HSPG2: variants seen among roughly 807,000 people sequenced by gnomAD.
HSPG2 encodes the protein heparan sulfate proteoglycan 2.
HSPG2 carries 278 observed loss-of-function variants against 526.6 expected under a neutral mutation model. The ratio of observed to expected loss-of-function variants is 0.53; its 90% CI spans 0.48 to 0.58. The LOEUF (loss-of-function observed/expected upper bound fraction) is 0.58, where lower values mean the gene tolerates loss of function less well. Ranked by LOEUF, HSPG2 falls within the 20% of genes least tolerant of loss-of-function variation. The pLI is 0.00. For synonymous variants in HSPG2, 2,465 were observed against 2,555.4 expected (o/e 0.96, Z 1.07); for missense variants, 5,354 against 6,099.5 (o/e 0.88, Z 4.07).
Position 21,828,576 on chromosome 1 carries a change from G to C in HSPG2, c.12238-150C>G, listed in dbSNP as rs1429994692. On this transcript the variant is annotated intron_variant, in intron 88 of 96. Transcript: ENST00000374695. This position sits in a 1 kb window ranked among gnomAD's most constrained non-coding sequence, Gnocchi z 6.0. ...GGATTCTCGGTGTGGGGAGGGAGGC[G>C]CAGGAGTTGAGTGCCTACTGTGTGC... The C allele has an allele frequency of 2.2e-6, 2 of 905,458 alleles. No individual in the cohort carries two copies. Among genetic ancestry groups the C allele is most frequent in the Admixed American group, 4.6e-5 (2 of 43,602 alleles). 56.1% of individuals were successfully genotyped at this position (905,458 alleles called of 1,614,324 possible). A position where few individuals can be genotyped will look rare whatever the true frequency, so the allele number is the denominator to read the frequency against.
Position 21,834,783 on chromosome 1 carries a change from A to C in HSPG2, c.10616T>G (p.Val3539Gly). 6.2e-7 allele frequency: 1 copy of C among 1,614,144 alleles called. No individual in the cohort carries two copies. The highest frequency in any genetic ancestry group is 1.1e-5 in the South Asian group (1 of 91,080). ...CAGCTCTACGTGGGCGATCCTGACG[A>C]CACCTCCGCTCTGCACAATGCCTGG... Reference protein sequence around the residue: ...LRPGIVQSGGVVRIAHVELAD... With the variant: ...LRPGIVQSGGGVRIAHVELAD... The change falls in exon 77 of 97, where the codon GTC becomes GGC. Residue 3539 changes from valine to glycine, a missense_variant. Transcript: ENST00000374695.
chr1:21,843,064 C>T (rs1167798876), intron 66 of HSPG2, 143 bp from the exon 67 acceptor site: 4 of 1,077,598 alleles, frequency 3.7e-6, no homozygotes, highest in Non-Finnish European at 5.5e-6. Context: ...AGAAGGGTCT[C>T]CTTTCCCTGG....
Position 21,839,799 on chromosome 1 carries a change from T to C in HSPG2, c.9709+23A>G, listed in dbSNP as rs772236863. On this transcript the variant is annotated intron_variant, in intron 72 of 96. Transcript: ENST00000374695. This position sits in a 1 kb window ranked among gnomAD's most constrained non-coding sequence, Gnocchi z 4.5. ...CAGGGCATCCCTGCCCTGCCAGCCC[T>C]ATGTGCCAGCCCTTGGTCACACCTG... is the stretch of plus-strand genomic sequence containing the variant. The C allele has an allele frequency of 1.9e-6, 3 of 1,611,306 alleles. No homozygotes were observed. In the African/African-American group the frequency reaches 4.0e-5, roughly 22 times the overall value.
Position 21,831,728 on chromosome 1 carries a change from G to T in HSPG2, c.11276C>A (p.Thr3759Asn), listed in dbSNP as rs2098005044. 1 of 1,606,812 alleles carries T rather than the reference G, an allele frequency of 6.2e-7. No individual in the cohort carries two copies. The change falls in exon 82 of 97, where the codon ACC becomes AAC. Residue 3759 changes from threonine (T) to asparagine (N), a missense_variant. Thr to Asn is a moderately conservative substitution (Grantham distance 65). Coordinates refer to ENST00000374695, the MANE Select transcript of HSPG2 (RefSeq NM_005529.7). ...GGTGAGGCTGCGCAGCAGGGTCACG[G>T]TGTGGAAATGGCCCAGGGCCAGTGG... ...PTPLALGHFH[T>N]VTLLRSLTQG...
In HSPG2 at chr1:21,828,910, C is replaced by T; in HGVS notation, c.12162G>A (p.Leu4054=). Residue 4054 remains leucine (L), a synonymous_variant, in exon 88 of 97, where the codon CTG becomes CTA. Transcript: ENST00000374695. This position sits in a 1 kb window ranked among gnomAD's most constrained non-coding sequence, Gnocchi z 6.0. ...GTGGCACGGAAGGCTCCACACCCCC[C>T]AGGTAGAGCAGGGTGTGCAGGTTGA... ...QGLNLHTLLY[L]GGVEPSVPLS... 1 of 1,561,268 alleles carries T rather than the reference C, an allele frequency of 6.4e-7. No homozygotes were observed. Among genetic ancestry groups the T allele is most frequent in the Non-Finnish European group, 8.7e-7 (1 of 1,152,652 alleles).
At chr1:21,870,064 G>C (rs1191450457) in intron 33 of HSPG2, 2 of 185,542 alleles carry the variant, frequency 1.1e-5, no homozygotes, top group Non-Finnish European at 2.0e-5. Context: ...CACCAGAGCA[G>C]ACCAGGCATC....
chr1:21,869,712 G>T, intron 33 of HSPG2: 1 of 986,134 alleles, frequency 1.0e-6, no homozygotes, highest in Non-Finnish European at 1.2e-6. Context: ...GAGAGGGACA[G>T]AAAGGACGTC....
intron 1 of HSPG2, among the ~76,000 whole-genome samples, chr1:21,931,974 A>T (rs1644361929): frequency 6.6e-6 from 1 of 152,186 alleles, no homozygotes; most frequent in South Asian, 2.1e-4. Flanking sequence ...ACTCAGGCCT[A>T]AAAGTCCCTG....
chr1:21,875,765 CAT>C lies in HSPG2; in HGVS notation c.3184-20_3184-19del. On this transcript the variant is annotated intron_variant, in intron 24 of 96. Coordinates refer to ENST00000374695, the MANE Select transcript of HSPG2 (RefSeq NM_005529.7). ...CATGCTTGCTGCCAAGGAGAGGACA[CAT>C]GTGCTCAGCCCCTGACGTCCTGGAG... 3.1e-6 allele frequency: 5 copies of C among 1,605,772 alleles called. No individual in the cohort carries two copies. The South Asian group carries it at 4.4e-5, about 14-fold the overall frequency.
intron 1 of HSPG2, among the ~76,000 whole-genome samples, chr1:21,933,371 G>A (rs1286849769): frequency 6.6e-6 from 1 of 152,144 alleles, no homozygotes; most frequent in Non-Finnish European, 1.5e-5. Context: ...GCAGGGAGGT[G>A]GTGAGCAGGA....
chr1:21,908,590 A>T (rs998545233), intron 1 of HSPG2: 100 of 166,856 alleles, frequency 6.0e-4, no homozygotes, highest in East Asian at 3.1e-3. Context: ...ATAGGTATTT[A>T]AAAAAAAAAA....
chr1:21,936,854 C>T (rs945805220), intron 1 of HSPG2, among the ~76,000 whole-genome samples: 1 of 152,166 alleles, frequency 6.6e-6, no homozygotes, highest in South Asian at 2.1e-4. Context: ...AATGGTAGGC[C>T]GGACCATGCC....
chr1:21,906,955 A>G (rs1308349937), intron 1 of HSPG2, among the ~76,000 whole-genome samples: 7 of 152,080 alleles, frequency 4.6e-5, no homozygotes, highest in Non-Finnish European at 7.4e-5. Flanking sequence ...AAGATAAGAA[A>G]AGCCGCAAGG....
chr1:21,829,642 C>G, intron 86 of HSPG2, 38 bp from the exon 87 acceptor site: 1 of 1,558,094 alleles, frequency 6.4e-7, no homozygotes, highest in East Asian at 2.3e-5. Context: ...AGTGGGGATC[C>G]TGGACCCTCG....
At chr1:21,854,468 T>C in intron 49 of HSPG2, 125 bp from the exon 50 acceptor site, 1 of 1,461,192 alleles carries the variant, frequency 6.8e-7, no homozygotes, top group Non-Finnish European at 9.3e-7. Context: ...TGCTAGAAAC[T>C]GGGAGGGAGG....
chr1:21,833,030 T>G, intron 80 of HSPG2: 2 of 593,856 alleles, frequency 3.4e-6, no homozygotes, highest in Non-Finnish European at 6.1e-6. Context: ...GATGCCCCGG[T>G]GGCAGAGGAG....
Position 21,827,923 on chromosome 1 carries a change from T to A in HSPG2, c.12533-4A>T. ...TCTGCTATGCCATGTCCAGAGCCTATGGAGAAGGGCAGGGTCCAGTTGGTG... is the reference window on the plus strand; with the variant it reads ...TCTGCTATGCCATGTCCAGAGCCTAAGGAGAAGGGCAGGGTCCAGTTGGTG... On this transcript the variant is annotated splice_polypyrimidine_tract_variant and splice_region_variant and intron_variant, in intron 90 of 96. Transcript: ENST00000374695. 6.2e-7 allele frequency: 1 copy of A among 1,604,272 alleles called. No individual in the cohort carries two copies. Among genetic ancestry groups the A allele is most frequent in the African/African-American group, 1.3e-5 (1 of 74,978 alleles).
chr1:21,874,098 G>T (rs1325095642), intron 28 of HSPG2, 87 bp from the exon 29 acceptor site: 12 of 1,183,130 alleles, frequency 1.0e-5, no homozygotes, highest in Admixed American at 2.1e-5. Flanking sequence ...GAGAGGGGAG[G>T]GGAAGAACAG....
At position 21,854,287 on chromosome 1, in the gene HSPG2, A is replaced by G. The variant is rs1285552674; in HGVS notation, c.6345T>C (p.Tyr2115=). The G allele has an allele frequency of 7.0e-6, 11 of 1,576,540 alleles. No individual in the cohort carries two copies. The highest frequency in any genetic ancestry group is 1.7e-4 in the Middle Eastern group (1 of 5,972). The change falls in exon 50 of 97, where the codon TAT becomes TAC. Residue 2115 remains tyrosine (Y), a synonymous_variant. Coordinates refer to ENST00000374695, the MANE Select transcript of HSPG2 (RefSeq NM_005529.7). ...PQVSPADSGE[Y]VCRVENGSGP... is the part of the protein sequence containing the mutation. ...CCGATCCATTCTCCACACGGCACAC[A>G]TATTCTCCAGAATCAGCTGGTGAGA... is the stretch of plus-strand genomic sequence containing the variant.
Sources: gnomAD v4.1 joint callset for allele counts (sites outside exome capture counted in the v4.1 genomes callset) on GRCh38, gnomAD v4.1.1 for gene constraint, Gnocchi (gnomAD v3.1) non-coding constraint, MANE v1.5 for transcripts, NCBI Gene and HGNC (gene_info 2026-07-23, HGNC 2026-07-21) for gene names.